The following AOPEP variants were observed in gnomAD, a reference collection of about 807,000 sequenced individuals.
The protein encoded by AOPEP is aminopeptidase O.
A neutral mutation model predicts 98.1 loss-of-function variants in AOPEP; 77 were observed. That is an observed-to-expected ratio of 0.78 (90% confidence interval 0.65 to 0.95). The LOEUF (loss-of-function observed/expected upper bound fraction) is 0.95. AOPEP is among the 40% of genes least tolerant of loss of function. The pLI is 0.00. For synonymous variants in AOPEP, 346 were observed against 365.3 expected (o/e 0.95, Z 0.60); for missense variants, 1,024 against 1,024.7 (o/e 1.00, Z 0.01).
chr9:95,068,914 G>A (rs1046675117), intron 14 of AOPEP, among the ~76,000 whole-genome samples: 1 of 152,044 alleles, frequency 6.6e-6, no homozygotes, highest in Non-Finnish European at 1.5e-5. Context: ...TTTGAGTGGT[G>A]GGTTTCTTTT....
rs369726177 is a variant in AOPEP, at chr9:95,018,918, C to T, written c.2115+13302C>T. ...TAATGCATCTTAAGGCACCTCTTCA[C>T]AGAAGGCGGTGGAAGGCTGCTTACG... On this transcript the variant is annotated intron_variant, in intron 13 of 16. Coordinates refer to ENST00000375315, the MANE Select transcript of AOPEP (RefSeq NM_001193329.3). 5.9e-5 allele frequency: 9 copies of T among 152,318 alleles called. No individual in the cohort carries two copies. In the South Asian group the frequency reaches 1.9e-3, roughly 32 times the overall value. 9.4% of individuals were successfully genotyped at this position (152,318 alleles called of 1,614,324 possible).
At chr9:95,009,701 A>G (rs1231726272) in intron 13 of AOPEP, among the ~76,000 whole-genome samples, 1 of 152,212 alleles carries the variant, frequency 6.6e-6, no homozygotes, top group Non-Finnish European at 1.5e-5. Flanking sequence ...ATGGTTTCCA[A>G]CAACAGCGCA....
intron 14 of AOPEP, among the ~76,000 whole-genome samples, chr9:95,072,877 G>A (rs1229372733): frequency 6.6e-6 from 1 of 152,222 alleles, no homozygotes; most frequent in Non-Finnish European, 1.5e-5. Flanking sequence ...CAGGAAGTCA[G>A]AAGAGCAGGC....
At chr9:94,731,570 A>G (rs1324741751) in intron 1 of AOPEP, among the ~76,000 whole-genome samples, 1 of 151,826 alleles carries the variant, frequency 6.6e-6, no homozygotes, top group Admixed American at 6.6e-5. Context: ...ATAGTTCTTC[A>G]GTATTCTCTT....
chr9:95,091,031 G>T (rs905235006), downstream of AOPEP, among the ~76,000 whole-genome samples: 1 of 152,156 alleles, frequency 6.6e-6, no homozygotes, highest in Non-Finnish European at 1.5e-5. Flanking sequence ...TGCAACAGCC[G>T]GTGGCCGGGC....
chr9:94,877,577 T>C (rs1235053738), intron 5 of AOPEP, among the ~76,000 whole-genome samples: 3 of 151,986 alleles, frequency 2.0e-5, no homozygotes, highest in Non-Finnish European at 2.9e-5. Flanking sequence ...CCCAGCACCA[T>C]ACCTGGCTAA....
In AOPEP at chr9:94,923,977, T is replaced by C. The variant is rs1448970247; in HGVS notation, c.1365-9T>C. 3 of 1,393,414 alleles carry C rather than the reference T, an allele frequency of 2.2e-6. No individual in the cohort carries two copies. In the East Asian group the frequency reaches 8.7e-5, roughly 40 times the overall value. The allele number at this position is 1,393,414 out of a possible 1,614,324, so 86.3% of individuals were successfully genotyped here. On this transcript the variant is annotated splice_polypyrimidine_tract_variant and intron_variant, in intron 5 of 16. Transcript: ENST00000375315. ...AGACTCTGTGCATTTTCTCCCCCATTATCCACAGCCCACACATCATGTTCC... is the reference window on the plus strand; with the variant it reads ...AGACTCTGTGCATTTTCTCCCCCATCATCCACAGCCCACACATCATGTTCC...
chr9:94,874,076 G>A (rs905706263), intron 5 of AOPEP, among the ~76,000 whole-genome samples: 2 of 151,862 alleles, frequency 1.3e-5, no homozygotes, highest in Admixed American at 6.6e-5. Context: ...GAGAAATATG[G>A]GTTCACTTTA....
intron 5 of AOPEP, among the ~76,000 whole-genome samples, chr9:94,832,977 A>C (rs372470666): frequency 6.9e-6 from 1 of 145,864 alleles, no homozygotes; most frequent in East Asian, 2.0e-4. Context: ...TCTGTTGCCC[A>C]GGCGGGAGTG....
intron 1 of AOPEP, among the ~76,000 whole-genome samples, chr9:94,744,143 C>T (rs1166046650): frequency 7.1e-6 from 1 of 140,776 alleles, no homozygotes; most frequent in Non-Finnish European, 1.5e-5. Context: ...GCCTGTAATC[C>T]AGACTTTGGG....
chr9:94,892,108 T>C (rs902983419), intron 5 of AOPEP, among the ~76,000 whole-genome samples: 7 of 152,196 alleles, frequency 4.6e-5, no homozygotes, highest in Non-Finnish European at 1.0e-4. Flanking sequence ...TTTCAAGATT[T>C]TTTTTCTTTG....
intron 7 of AOPEP, among the ~76,000 whole-genome samples, chr9:94,938,449 A>G (rs2026399): frequency 0.15 from 22,877 of 152,186 alleles, 3,977 homozygotes; most frequent in African/African-American, 0.42. Flanking sequence ...CTGTTGACAG[A>G]TTTAGTTAGA....
intron 5 of AOPEP, among the ~76,000 whole-genome samples, chr9:94,897,840 C>CTTTTT (rs1187082923): frequency 1.9e-4 from 9 of 47,386 alleles, no homozygotes; most frequent in African/African-American, 6.4e-4. Context: ...CAAAAGTATG[C>CTTTTT]CTTTTTTTTT....
chr9:94,962,234 C>A (rs1340716338), intron 9 of AOPEP, among the ~76,000 whole-genome samples: 1 of 152,214 alleles, frequency 6.6e-6, no homozygotes, highest in East Asian at 1.9e-4. Context: ...AGAACATGAG[C>A]AGTTCACCGA....
intron 5 of AOPEP, chr9:94,900,854 A>G (rs2050299451): frequency 6.6e-6 from 1 of 152,208 alleles, no homozygotes; most frequent in African/African-American, 2.4e-5. Flanking sequence ...ACTTTAAACA[A>G]AATCACGAAG....
At chr9:95,114,381 A>C in the AOPEP span, 1 of 548,674 alleles carries the variant, frequency 1.8e-6, no homozygotes, top group Non-Finnish European at 3.3e-6. Flanking sequence ...CCAGACGTTA[A>C]TGTAGAAAAC....
intron 5 of AOPEP, among the ~76,000 whole-genome samples, chr9:94,833,161 C>T (rs1564216381): frequency 6.6e-6 from 1 of 150,752 alleles, no homozygotes; most frequent in African/African-American, 2.4e-5. Flanking sequence ...GTCTTGAACT[C>T]CTGACCTAAA....
At chr9:95,075,086 A>G (rs2068909067) in intron 14 of AOPEP, among the ~76,000 whole-genome samples, 1 of 151,824 alleles carries the variant, frequency 6.6e-6, no homozygotes, top group African/African-American at 2.4e-5. Flanking sequence ...CTTCCCTCCC[A>G]CACCAACTTC....
At chr9:95,062,939 G>A (rs1196181688) in intron 14 of AOPEP, among the ~76,000 whole-genome samples, 1 of 152,214 alleles carries the variant, frequency 6.6e-6, no homozygotes, top group Non-Finnish European at 1.5e-5. Flanking sequence ...GAGAGCATGG[G>A]TGGAGTAGGC....
Sources: gnomAD v4.1 joint callset for allele counts (sites outside exome capture counted in the v4.1 genomes callset) on GRCh38, gnomAD v4.1.1 for gene constraint, MANE v1.5 for transcripts, NCBI Gene and HGNC (gene_info 2026-07-23, HGNC 2026-07-21) for gene names.